The following ZFHX3 variants were observed in gnomAD, a reference collection of about 807,000 sequenced individuals.
The protein encoded by ZFHX3 is zinc finger homeobox 3.
In ZFHX3, 42 loss-of-function variants were observed where a neutral mutation model predicts 279.1. That is an observed-to-expected ratio of 0.15 (90% CI 0.12 to 0.19). The LOEUF is 0.19. Ranked by LOEUF, ZFHX3 falls within the 10% of genes least tolerant of loss-of-function variation. The pLI is 1.00. For missense variants in ZFHX3, 4,981 were observed against 4,754.0 expected (o/e 1.05, Z -1.40); for synonymous variants, 2,293 against 1,957.8 (o/e 1.17, Z -4.52).
chr16:73,174,511 A>G (rs1967615901), intron 5 of ZFHX3, among the ~76,000 whole-genome samples: 1 of 151,904 alleles, frequency 6.6e-6, no homozygotes, highest in Non-Finnish European at 1.5e-5. Context: ...TTCTTTTTGC[A>G]TCCTCACTGC....
intron 8 of ZFHX3, chr16:73,092,986 G>C (rs780656500): frequency 1.9e-6 from 1 of 520,080 alleles, no homozygotes; most frequent in South Asian, 1.4e-5. Context: ...CTTCCTGGAG[G>C]TGAAATCCCT....
Position 73,262,937 on chromosome 16 carries a change from G to T in ZFHX3, c.-1193-5801C>A, listed in dbSNP as rs570764162. ...AGCTGGCCGACTGCCAGACATGTGA[G>T]TGAGGGGCCCCAGAGCTCCCAGCCC... is the stretch of plus-strand genomic sequence containing the variant. On this transcript the variant is annotated intron_variant, in intron 4 of 17. Transcript: ENST00000641206. 3.3e-5 allele frequency among the ~76,000 whole-genome samples: 5 copies of T among 152,264 alleles called. No homozygotes were observed. In the East Asian group the frequency reaches 9.7e-4, roughly 29 times the overall value.
At chr16:73,844,552 C>G (rs1961395276) in intron 1 of ZFHX3, among the ~76,000 whole-genome samples, 1 of 151,888 alleles carries the variant, frequency 6.6e-6, no homozygotes, top group South Asian at 2.1e-4. Context: ...TTATTAGTCC[C>G]ATTTTATAGA....
chr16:73,756,051 G>C (rs978772424), intron 1 of ZFHX3, among the ~76,000 whole-genome samples: 3 of 151,990 alleles, frequency 2.0e-5, no homozygotes, highest in Non-Finnish European at 4.4e-5. Context: ...CCAAGCCCAG[G>C]GTTCCTCCAT....
At chr16:73,590,284 T>A (rs952316011) in intron 2 of ZFHX3, among the ~76,000 whole-genome samples, 2 of 152,322 alleles carry the variant, frequency 1.3e-5, no homozygotes, top group Admixed American at 1.3e-4. Context: ...AAGTCTAACA[T>A]CCAGATTGTG....
At chr16:73,788,868 G>A (rs1201152577) in intron 1 of ZFHX3, among the ~76,000 whole-genome samples, 1 of 151,642 alleles carries the variant, frequency 6.6e-6, no homozygotes, top group Non-Finnish European at 1.5e-5. Flanking sequence ...CAGCTACTCG[G>A]GAGGCTGAGG....
At chr16:73,636,480 C>A (rs1226455438) in intron 2 of ZFHX3, among the ~76,000 whole-genome samples, 1 of 151,906 alleles carries the variant, frequency 6.6e-6, no homozygotes, top group Non-Finnish European at 1.5e-5. Flanking sequence ...CATTGTTTAC[C>A]AACAACATAA....
chr16:72,833,062 G>A (rs2037103008), intron 4 of ZFHX3, among the ~76,000 whole-genome samples: 2 of 152,214 alleles, frequency 1.3e-5, no homozygotes, highest in African/African-American at 4.8e-5. Context: ...GACAGCTCAG[G>A]CCCACGATGC....
intron 3 of ZFHX3, among the ~76,000 whole-genome samples, chr16:72,893,062 T>C (rs2038812977): frequency 6.6e-6 from 1 of 152,124 alleles, no homozygotes; most frequent in Non-Finnish European, 1.5e-5. Context: ...GAGTTTGTCC[T>C]AAAACCGAGG....
At chr16:73,515,964 A>T (rs377154406) in intron 2 of ZFHX3, among the ~76,000 whole-genome samples, 18 of 152,252 alleles carry the variant, frequency 1.2e-4, no homozygotes, top group African/African-American at 4.3e-4. Context: ...GGTCATTGCC[A>T]TTCATGGAAT....
intron 3 of ZFHX3, among the ~76,000 whole-genome samples, chr16:72,940,004 G>C (rs1960331988): frequency 6.6e-6 from 1 of 152,124 alleles, no homozygotes; most frequent in Admixed American, 6.5e-5. Context: ...TGAACTCTCA[G>C]GCTCAGCTGA....
chr16:73,687,230 A>G (rs868394701), intron 1 of ZFHX3, among the ~76,000 whole-genome samples: 3 of 150,744 alleles, frequency 2.0e-5, no homozygotes, highest in Middle Eastern at 3.4e-3. Context: ...CTCTAAAAAA[A>G]AAAGTACAAA....
chr16:73,598,318 A>G lies in ZFHX3; in HGVS notation c.-1547+81862T>C, dbSNP rs539399962. On this transcript the variant is annotated intron_variant, in intron 2 of 17. Coordinates refer to the ZFHX3 transcript ENST00000641206. Reference sequence around the variant, plus strand: ...TCTTCTGGTTTAGCTAGGTCAAGCCATATCACCTCTACTCCATAAATCTCA... The same window carrying G: ...TCTTCTGGTTTAGCTAGGTCAAGCCGTATCACCTCTACTCCATAAATCTCA... Among the ~76,000 whole-genome samples the G allele has an allele frequency of 2.6e-5, 4 of 152,314 alleles. No homozygotes were observed. The East Asian group carries it at 7.7e-4, about 29-fold the overall frequency.
At chr16:73,563,060 C>T (rs1188361177) in intron 2 of ZFHX3, among the ~76,000 whole-genome samples, 1 of 151,946 alleles carries the variant, frequency 6.6e-6, no homozygotes, top group African/African-American at 2.4e-5. Flanking sequence ...CCAGCAGTAC[C>T]CAGGGTCTTT....
intron 5 of ZFHX3, among the ~76,000 whole-genome samples, chr16:73,198,651 T>C (rs1009818539): frequency 3.3e-5 from 5 of 152,294 alleles, no homozygotes; most frequent in African/African-American, 1.2e-4. Flanking sequence ...TTCCTATATC[T>C]AGACCTCCAG....
intron 1 of ZFHX3, among the ~76,000 whole-genome samples, chr16:72,989,381 C>G (rs1414578173): frequency 1.3e-5 from 2 of 151,618 alleles, no homozygotes; most frequent in Non-Finnish European, 2.9e-5. Flanking sequence ...ACTCAGGAGG[C>G]TGAGGCAGGA....
intron 5 of ZFHX3, among the ~76,000 whole-genome samples, chr16:73,202,689 C>T (rs2011650181): frequency 6.6e-6 from 1 of 152,192 alleles, no homozygotes; most frequent in Non-Finnish European, 1.5e-5. Context: ...TCCAGCCACA[C>T]TCCACTGCTC....
chr16:73,058,307 G>A (rs1442460144), intron 1 of ZFHX3, among the ~76,000 whole-genome samples: 2 of 146,820 alleles, frequency 1.4e-5, no homozygotes, highest in Non-Finnish European at 3.0e-5. Flanking sequence ...GTTTGGCGTA[G>A]GGGGAAGGCG....
At chr16:73,884,200 C>G (rs551422756) in intron 1 of ZFHX3, among the ~76,000 whole-genome samples, 1 of 152,162 alleles carries the variant, frequency 6.6e-6, no homozygotes, top group South Asian at 2.1e-4. Context: ...TGTATGGTTT[C>G]TGGAAGACAA....
Sources: allele counts gnomAD v4.1 joint callset (sites outside exome capture counted in the v4.1 genomes callset), GRCh38; gene constraint gnomAD v4.1.1; transcripts MANE v1.5; gene names NCBI Gene and HGNC (gene_info 2026-07-23, HGNC 2026-07-21).